TRPM4: variants seen among roughly 807,000 people sequenced by gnomAD.
TRPM4 encodes calcium-activated non-selective cation channel 1.
A neutral mutation model predicts 135.6 loss-of-function variants in TRPM4; 124 were observed. That is an observed-to-expected ratio of 0.91 (90% CI 0.79 to 1.06). The LOEUF is 1.06. Ranked by LOEUF, TRPM4 falls within the 50% of genes least tolerant of loss-of-function variation. TRPM4 has a pLI of 0.00. For synonymous variants in TRPM4, 745 were observed against 705.6 expected, an observed-to-expected ratio of 1.06 and a Z score of -0.88; for missense variants, 1,658 against 1,671.4, an observed-to-expected ratio of 0.99 and a Z score of 0.14.
intron 16 of TRPM4, among the ~76,000 whole-genome samples, chr19:49,193,003 C>T (rs1600488285): frequency 6.6e-6 from 1 of 151,606 alleles, no homozygotes. Flanking sequence ...ATGATGATGA[C>T]GACCTTGATA....
At position 49,211,106 on chromosome 19, in the gene TRPM4, G is replaced by A. The variant is rs765818541; in HGVS notation, c.3534+19G>A. 9 of 1,613,608 alleles carry A rather than the reference G, an allele frequency of 5.6e-6. No homozygotes were observed. The highest frequency in any genetic ancestry group is 7.6e-6 in the Non-Finnish European group (9 of 1,179,814). ...GCGGGAGGTGAGGCCTTGGGGCCTGGCTGGGGGACTGTGGCAGGGGTCCCA... is the reference window on the plus strand; with the variant it reads ...GCGGGAGGTGAGGCCTTGGGGCCTGACTGGGGGACTGTGGCAGGGGTCCCA... On this transcript the variant is annotated intron_variant, in intron 23 of 24. Coordinates refer to ENST00000252826, the MANE Select transcript of TRPM4 (RefSeq NM_017636.4). The surrounding 1 kb of genome is among the most constrained non-coding windows in gnomAD (Gnocchi z 4.8).
Position 49,171,779 on chromosome 19 carries a change from T to A in TRPM4, c.1050+10T>A, listed in dbSNP as rs760369409. ...GGTCCTGCAGGCCCAGGTATGACAC[T>A]GGGGGCCCAACTCTGGATCCTGAGA... On this transcript the variant is annotated intron_variant, in intron 8 of 24. Coordinates refer to ENST00000252826, the MANE Select transcript of TRPM4 (RefSeq NM_017636.4). The surrounding 1 kb of genome is among the most constrained non-coding windows in gnomAD (Gnocchi z 4.7). The A allele has an allele frequency of 2.5e-6, 4 of 1,605,458 alleles. No homozygotes were observed. Among genetic ancestry groups the A allele is most frequent in the Non-Finnish European group, 1.7e-6 (2 of 1,178,684 alleles).
intron 12 of TRPM4, among the ~76,000 whole-genome samples, chr19:49,184,754 C>G (rs999624396): frequency 4.0e-5 from 6 of 151,626 alleles, no homozygotes; most frequent in African/African-American, 1.4e-4. Flanking sequence ...GCTGGGATTA[C>G]AGGCGTGAGC....
At chr19:49,184,700 C>T (rs1434147532) in intron 12 of TRPM4, among the ~76,000 whole-genome samples, 3 of 151,392 alleles carry the variant, frequency 2.0e-5, no homozygotes, top group Non-Finnish European at 2.9e-5. Flanking sequence ...AGGATGGTTG[C>T]GATCTCCTGA....
intron 20 of TRPM4, among the ~76,000 whole-genome samples, chr19:49,203,093 G>A (rs558781591): frequency 4.1e-4 from 62 of 151,030 alleles, no homozygotes; most frequent in African/African-American, 1.3e-3. Context: ...GAGTTTCACC[G>A]TGTTAACCCG....
rs919947231 is a variant in TRPM4 at position 49,165,971 on chromosome 19, A to G, written c.93-70A>G. On this transcript the variant is annotated intron_variant, in intron 2 of 24. Coordinates refer to ENST00000252826, the MANE Select transcript of TRPM4 (RefSeq NM_017636.4). The stretch of plus-strand genomic sequence containing the variant: ...TGTCGACAGCCCCCTCTACAGGAGC[A>G]TGAACACGCTGACAGGGTGCTGGGG... 15 of 1,474,078 alleles carry G rather than the reference A, an allele frequency of 1.0e-5. No homozygotes were observed. The East Asian group carries it at 3.2e-4, about 31-fold the overall frequency. 91.3% of individuals were successfully genotyped at this position (1,474,078 alleles called of 1,614,324 possible).
At chr19:49,201,707 C>T (rs1968939817) in intron 19 of TRPM4, among the ~76,000 whole-genome samples, 1 of 152,216 alleles carries the variant, frequency 6.6e-6, no homozygotes, top group African/African-American at 2.4e-5. Flanking sequence ...AAGCGATTCT[C>T]CTATCTCAGC....
intron 17 of TRPM4, among the ~76,000 whole-genome samples, chr19:49,197,308 T>TTCTTTCTTTCTTTCTTTC (rs1161813900): frequency 2.5e-5 from 3 of 122,248 alleles, no homozygotes; most frequent in African/African-American, 1.0e-4. Context: ...CTTTCTTTCT[T>TTCTTTCTTTCTTTCTTTC]TTTCTTTCTT....
Position 49,211,552 on chromosome 19 carries a change from G to A in TRPM4, c.*54G>A. The A allele has an allele frequency of 6.2e-7, 1 of 1,612,782 alleles. No individual in the cohort carries two copies. The highest frequency in any genetic ancestry group is 8.5e-7 in the Non-Finnish European group (1 of 1,179,274). ...CCCCACAGGGGATTTTGCTCCTAGA[G>A]TAAGGCTCATCTGGGCCTCGGCCCC... On this transcript the variant is annotated 3_prime_UTR_variant, in exon 25 of 25. Transcript: ENST00000252826. The surrounding 1 kb of genome is among the most constrained non-coding windows in gnomAD (Gnocchi z 4.8).
intron 16 of TRPM4, among the ~76,000 whole-genome samples, chr19:49,196,043 G>A (rs759433508): frequency 2.6e-5 from 4 of 151,960 alleles, no homozygotes; most frequent in Non-Finnish European, 5.9e-5. Context: ...ATTTTTAGTA[G>A]AGACAGGGTT....
chr19:49,203,470 C>T (rs138581369), intron 20 of TRPM4, among the ~76,000 whole-genome samples: 117 of 152,320 alleles, frequency 7.7e-4, no homozygotes, highest in Middle Eastern at 6.8e-3. Flanking sequence ...TGAGCCACCG[C>T]GGCCGGAGTT....
chr19:49,182,099 T>TCCGTCCATCCAC (rs1967960468), intron 10 of TRPM4, among the ~76,000 whole-genome samples: 1 of 72,116 alleles, frequency 1.4e-5, no homozygotes, highest in African/African-American at 5.8e-5. Flanking sequence ...CATCTGTCCA[T>TCCGTCCATCCAC]CCATCCATCC....
Position 49,164,420 on chromosome 19 carries a change from C to T in TRPM4, c.93-1621C>T, listed in dbSNP as rs182287356. ...TTTTGAGATGGAGTTTCGCTCTTGTCTCCCAGGCTGGAGTACAATAGTGTG... is the reference window on the plus strand; with the variant it reads ...TTTTGAGATGGAGTTTCGCTCTTGTTTCCCAGGCTGGAGTACAATAGTGTG... On this transcript the variant is annotated intron_variant, in intron 2 of 24. Transcript: ENST00000252826. Among the ~76,000 whole-genome samples the T allele has an allele frequency of 1.2e-4, 12 of 99,662 alleles. No individual in the cohort carries two copies. In the East Asian group the frequency reaches 1.4e-3, roughly 12 times the overall value. 65.4% of individuals were successfully genotyped at this position (99,662 alleles called of 152,430 possible).
chr19:49,165,226 G>A (rs570077087), intron 2 of TRPM4, among the ~76,000 whole-genome samples: 1 of 152,194 alleles, frequency 6.6e-6, no homozygotes, highest in South Asian at 2.1e-4. Context: ...CCACACAGAA[G>A]CCAAAGACAA....
At chr19:49,175,405 C>T (rs1223208033) in intron 9 of TRPM4, among the ~76,000 whole-genome samples, 1 of 151,768 alleles carries the variant, frequency 6.6e-6, no homozygotes, top group African/African-American at 2.4e-5. Context: ...GATGGGGTTT[C>T]ACTATGTTGC....
chr19:49,181,991 T>G (rs1253400932), intron 10 of TRPM4, among the ~76,000 whole-genome samples: 7 of 151,366 alleles, frequency 4.6e-5, no homozygotes, highest in Non-Finnish European at 7.4e-5. Context: ...CCTCCATCTA[T>G]CCATTCATCC....
intron 12 of TRPM4, among the ~76,000 whole-genome samples, chr19:49,186,873 CA>C (rs552909059): frequency 0.013 from 1,508 of 113,668 alleles, 5 homozygotes; most frequent in Middle Eastern, 0.031. Context: ...AACTCCGTCT[CA>C]AAAAAAAAAA....
In TRPM4 at chr19:49,211,683, C is replaced by T; in HGVS notation, c.*185C>T. Reference sequence around the variant, plus strand: ...TTACAAACCACAGCATGCCCGGCTCCTCCCAGAACCAGTCCCAGCCTGGGA... The same window carrying T: ...TTACAAACCACAGCATGCCCGGCTCTTCCCAGAACCAGTCCCAGCCTGGGA... On this transcript the variant is annotated 3_prime_UTR_variant, in exon 25 of 25. Coordinates refer to ENST00000252826, the MANE Select transcript of TRPM4 (RefSeq NM_017636.4). This position sits in a 1 kb window ranked among gnomAD's most constrained non-coding sequence, Gnocchi z 4.8. 1.3e-6 allele frequency: 1 copy of T among 765,974 alleles called. No individual in the cohort carries two copies. Among genetic ancestry groups the T allele is most frequent in the Non-Finnish European group, 2.2e-6 (1 of 448,712 alleles). 47.4% of individuals were successfully genotyped at this position (765,974 alleles called of 1,614,324 possible). A position where few individuals can be genotyped will look rare whatever the true frequency, so the allele number is the denominator to read the frequency against.
intron 12 of TRPM4, among the ~76,000 whole-genome samples, chr19:49,186,999 G>T (rs1282804745): frequency 1.3e-5 from 2 of 152,102 alleles, no homozygotes; most frequent in Non-Finnish European, 2.9e-5. Flanking sequence ...ACCAGATAGG[G>T]CCACACACAC....
Sources: gnomAD v4.1 joint callset for allele counts (sites outside exome capture counted in the v4.1 genomes callset) on GRCh38, gnomAD v4.1.1 for gene constraint, Gnocchi (gnomAD v3.1) non-coding constraint, MANE v1.5 for transcripts, NCBI Gene and HGNC (gene_info 2026-07-23, HGNC 2026-07-21) for gene names.